Variants in MAP3K2 observed in about 807,000 individuals in gnomAD.
MAP3K2 encodes MAP/ERK kinase kinase 2.
A neutral mutation model predicts 80.3 loss-of-function variants in MAP3K2; 24 were observed. The observed-to-expected ratio is 0.30, with a 90% CI of 0.22 to 0.42. The LOEUF (loss-of-function observed/expected upper bound fraction) is 0.42. Among genes scored for constraint, MAP3K2 ranks in the 10% least tolerant of loss-of-function variants. The pLI is 1.00. For missense variants in MAP3K2, 608 were observed against 750.1 expected, an observed-to-expected ratio of 0.81 and a Z score of 2.21; for synonymous variants, 244 against 253.7, an observed-to-expected ratio of 0.96 and a Z score of 0.36.
chr2:127,346,798 G>A (rs1345816824), intron 1 of MAP3K2, among the ~76,000 whole-genome samples: 1 of 151,900 alleles, frequency 6.6e-6, no homozygotes, highest in Non-Finnish European at 1.5e-5. Context: ...AATCAGCCTG[G>A]CCAACATGGC....
chr2:127,381,304 C>T (rs1452674594), intron 1 of MAP3K2, among the ~76,000 whole-genome samples: 1 of 152,148 alleles, frequency 6.6e-6, no homozygotes, highest in African/African-American at 2.4e-5. Flanking sequence ...TATTGTATTT[C>T]TGGGTTATTC....
intron 1 of MAP3K2, among the ~76,000 whole-genome samples, chr2:127,351,246 T>C (rs146125758): frequency 1.3e-5 from 2 of 152,254 alleles, no homozygotes; most frequent in East Asian, 1.9e-4. Context: ...ACAGGTTCTA[T>C]CAATGCTAAC....
At chr2:127,374,457 C>T (rs1455247210) in intron 1 of MAP3K2, among the ~76,000 whole-genome samples, 1 of 152,200 alleles carries the variant, frequency 6.6e-6, no homozygotes, top group Admixed American at 6.5e-5. Context: ...TCCACCAAAA[C>T]TTGAGAAACT....
chr2:127,300,514 G>A lies in MAP3K2; in HGVS notation c.*7065C>T, dbSNP rs1247146708. ...AAAGTTTATTCTCAAATTTATCCAAGTTTACTTTTATTTACAATGAATAAA... is the reference window on the plus strand; with the variant it reads ...AAAGTTTATTCTCAAATTTATCCAAATTTACTTTTATTTACAATGAATAAA... On this transcript the variant is annotated 3_prime_UTR_variant, in exon 17 of 17. Coordinates refer to ENST00000682094, the MANE Select transcript of MAP3K2 (RefSeq NM_001371910.2). 6.6e-6 allele frequency: 1 copy of A among 152,038 alleles called. No individual in the cohort carries two copies. Among genetic ancestry groups the A allele is most frequent in the Non-Finnish European group, 1.5e-5 (1 of 67,974 alleles). The allele number at this position is 152,038 out of a possible 1,614,324, so 9.4% of individuals were successfully genotyped here. A position where few individuals can be genotyped will look rare whatever the true frequency, so the allele number is the denominator to read the frequency against.
intron 1 of MAP3K2, among the ~76,000 whole-genome samples, chr2:127,373,620 C>T (rs569236881): frequency 5.9e-5 from 9 of 152,296 alleles, no homozygotes; most frequent in East Asian, 3.9e-4. Context: ...GCAATTAGAT[C>T]GCACAGATCC....
Position 127,387,975 on chromosome 2 carries a change from C to T in MAP3K2, c.-589G>A. 2.0e-6 allele frequency: 2 copies of T among 984,418 alleles called. No individual in the cohort carries two copies. Among genetic ancestry groups the T allele is most frequent in the Non-Finnish European group, 2.4e-6 (2 of 829,618 alleles). 61.0% of individuals were successfully genotyped at this position (984,418 alleles called of 1,614,324 possible). The stretch of plus-strand genomic sequence containing the variant: ...GCAGCCACTACACACGGACCCGTGA[C>T]GTCGGGCGTAGCGCGGCGCACGTCA... On this transcript the variant is annotated 5_prime_UTR_variant, in exon 1 of 17. Transcript: ENST00000682094.
chr2:127,320,019 C>T (rs1369511008), intron 12 of MAP3K2, among the ~76,000 whole-genome samples: 2 of 152,140 alleles, frequency 1.3e-5, no homozygotes, highest in East Asian at 1.9e-4. Context: ...CTCACAGTAA[C>T]GGCCTAGCAG....
Position 127,322,648 on chromosome 2 carries a change from C to T in MAP3K2, c.839-396G>A, listed in dbSNP as rs1686048933. On this transcript the variant is annotated intron_variant, in intron 11 of 16. Transcript: ENST00000682094. The surrounding 1 kb of genome is among the most constrained non-coding windows in gnomAD (Gnocchi z 4.2). ...CACTCTTGTTGCCCAGGCTGGAGTG[C>T]AGTGGTACAATCTCGGCTCACTGCA... 6.6e-6 allele frequency among the ~76,000 whole-genome samples: 1 copy of T among 152,078 alleles called. No homozygotes were observed. Among genetic ancestry groups the T allele is most frequent in the Admixed American group, 6.5e-5 (1 of 15,276 alleles).
chr2:127,334,136 G>T (rs986962820), intron 5 of MAP3K2, among the ~76,000 whole-genome samples: 2 of 151,882 alleles, frequency 1.3e-5, no homozygotes, highest in Non-Finnish European at 1.5e-5. Context: ...TTAGCTTGAT[G>T]TCAATCCTCA....
chr2:127,334,919 C>T (rs1338047290), intron 5 of MAP3K2, among the ~76,000 whole-genome samples: 1 of 152,026 alleles, frequency 6.6e-6, no homozygotes, highest in African/African-American at 2.4e-5. Flanking sequence ...TACAGGTGCA[C>T]GTCACCACGC....
At chr2:127,338,118 A>T (rs961440534) in intron 3 of MAP3K2, among the ~76,000 whole-genome samples, 2 of 152,216 alleles carry the variant, frequency 1.3e-5, no homozygotes, top group African/African-American at 4.8e-5. Flanking sequence ...AATTTCATTT[A>T]TCAGAATCAA....
intron 1 of MAP3K2, among the ~76,000 whole-genome samples, chr2:127,359,807 C>T (rs1686855057): frequency 6.6e-6 from 1 of 152,224 alleles, no homozygotes; most frequent in Admixed American, 6.5e-5. Context: ...CTGGCTCCCC[C>T]TTCGCCTTCT....
In MAP3K2 at chr2:127,298,716, A is replaced by G. The variant is rs1685532344; in HGVS notation, c.*8863T>C. On this transcript the variant is annotated 3_prime_UTR_variant, in exon 17 of 17. Transcript: ENST00000682094. The stretch of plus-strand genomic sequence containing the variant: ...TTTATTAACACTCAAAGTGCCATTC[A>G]TTTATATTCATTCCATAGTCCAGAA... 1 of 152,242 alleles carries G rather than the reference A, an allele frequency of 6.6e-6. No individual in the cohort carries two copies. The allele number at this position is 152,242 out of a possible 1,614,324, so 9.4% of individuals were successfully genotyped here.
intron 1 of MAP3K2, among the ~76,000 whole-genome samples, chr2:127,360,320 C>T (rs1284278616): frequency 6.7e-6 from 1 of 150,198 alleles, no homozygotes; most frequent in Non-Finnish European, 1.5e-5. Context: ...ATACACAATT[C>T]TAGAAAAGGT....
intron 1 of MAP3K2, among the ~76,000 whole-genome samples, chr2:127,345,741 A>G (rs909854226): frequency 2.0e-5 from 3 of 152,268 alleles, no homozygotes; most frequent in Non-Finnish European, 4.4e-5. Flanking sequence ...ATTCACAAAT[A>G]TGTGAAAATT....
At chr2:127,378,559 TA>T (rs1687188652) in intron 1 of MAP3K2, among the ~76,000 whole-genome samples, 1 of 152,174 alleles carries the variant, frequency 6.6e-6, no homozygotes. Flanking sequence ...AAATATTATA[TA>T]AATCAGTAAA....
intron 1 of MAP3K2, among the ~76,000 whole-genome samples, chr2:127,357,792 C>T (rs1270120949): frequency 6.6e-6 from 1 of 152,020 alleles, no homozygotes; most frequent in African/African-American, 2.4e-5. Context: ...TCAGCTGTCA[C>T]CTCATAACAG....
chr2:127,335,800 A>G, intron 5 of MAP3K2, 70 bp downstream of exon 5: 1 of 774,014 alleles, frequency 1.3e-6, no homozygotes, highest in Admixed American at 2.6e-5. Flanking sequence ...CGAGTCTTAA[A>G]AGCAGTCTCT....
intron 15 of MAP3K2, among the ~76,000 whole-genome samples, chr2:127,309,965 TAA>T (rs1337015256): frequency 6.6e-6 from 1 of 152,058 alleles, no homozygotes; most frequent in South Asian, 2.1e-4. Context: ...AATTAAGGAG[TAA>T]AGAGTTATGC....
Sources: gnomAD v4.1 joint callset for allele counts (sites outside exome capture counted in the v4.1 genomes callset) on GRCh38, gnomAD v4.1.1 for gene constraint, Gnocchi (gnomAD v3.1) non-coding constraint, MANE v1.5 for transcripts, NCBI Gene and HGNC (gene_info 2026-07-23, HGNC 2026-07-21) for gene names.